Variants in UTRN observed in about 807,000 individuals in gnomAD.
UTRN encodes dystrophin-related protein 1.
A neutral mutation model predicts 463.9 loss-of-function variants in UTRN; 283 were observed. The observed-to-expected ratio is 0.61, with a 90% CI of 0.55 to 0.67. The LOEUF (loss-of-function observed/expected upper bound fraction) is 0.67, where lower values mean the gene tolerates loss of function less well. Among genes scored for constraint, UTRN ranks in the 30% least tolerant of loss-of-function variants. The pLI, the probability that UTRN is intolerant of heterozygous loss-of-function variation, is 0.00. For missense variants in UTRN, 3,922 were observed against 4,084.3 expected, an observed-to-expected ratio of 0.96 and a Z score of 1.08; for synonymous variants, 1,442 against 1,431.5, an observed-to-expected ratio of 1.01 and a Z score of -0.17.
At chr6:144,635,082 A>G (rs764005515) in intron 51 of UTRN, among the ~76,000 whole-genome samples, 1 of 149,430 alleles carries the variant, frequency 6.7e-6, no homozygotes, top group Non-Finnish European at 1.5e-5. Flanking sequence ...ATTGTCACCT[A>G]GTATGAAATG....
intron 45 of UTRN, among the ~76,000 whole-genome samples, chr6:144,541,198 A>G (rs553566063): frequency 1.3e-5 from 2 of 152,284 alleles, no homozygotes; most frequent in South Asian, 2.1e-4. Context: ...GTGAAAGCCA[A>G]AATGCTTTTT....
At chr6:144,364,387 T>A (rs1779334603) in intron 2 of UTRN, among the ~76,000 whole-genome samples, 1 of 152,150 alleles carries the variant, frequency 6.6e-6, no homozygotes. Flanking sequence ...GTGATTTGGG[T>A]CAAATGTCCT....
rs1483059794 is a variant in UTRN at position 144,344,109 on chromosome 6, A to AAC, written c.79+52203_79+52204dup. 1.5e-5 allele frequency: 17 copies of AAC among 1,149,168 alleles called. No individual in the cohort carries two copies. The African/African-American group carries it at 2.3e-4, about 16-fold the overall frequency. The allele number at this position is 1,149,168 out of a possible 1,614,324, so 71.2% of individuals were successfully genotyped here. On this transcript the variant is annotated intron_variant, in intron 2 of 74. Transcript: ENST00000367545. ...AGCCACCAAAAAAAAAAAAAAAAAA[A>AAC]ACCCAAAATAACACAGGACATCCCA...
Position 144,824,570 on chromosome 6 carries a change from ATT to A in UTRN, c.9495-2776_9495-2775del, listed in dbSNP as rs201351463. ...TGTATATATATTAATATAGCATTTT[ATT>A]TATATATATATATATATATATATAT... On this transcript the variant is annotated intron_variant, in intron 66 of 74. Coordinates refer to ENST00000367545, the MANE Select transcript of UTRN (RefSeq NM_007124.3). Among the ~76,000 whole-genome samples, 101 of 36,992 alleles carry A rather than the reference ATT, an allele frequency of 2.7e-3. 7 individuals carry two copies. The East Asian group carries it at 0.044, about 16-fold the overall frequency. 24.3% of individuals were successfully genotyped at this position (36,992 alleles called of 152,430 possible).
chr6:144,603,127 A>G (rs771275297), intron 51 of UTRN, among the ~76,000 whole-genome samples: 17 of 152,126 alleles, frequency 1.1e-4, no homozygotes, highest in Non-Finnish European at 2.1e-4. Context: ...CTTTATAAGC[A>G]TATTTGTATT....
intron 51 of UTRN, among the ~76,000 whole-genome samples, chr6:144,642,554 G>T (rs532756779): frequency 6.6e-5 from 10 of 152,094 alleles, no homozygotes; most frequent in Non-Finnish European, 1.0e-4. Flanking sequence ...AGGAAAGTTC[G>T]TCTAGAGATA....
intron 51 of UTRN, among the ~76,000 whole-genome samples, chr6:144,585,344 C>T (rs763474591): frequency 2.0e-5 from 3 of 152,070 alleles, no homozygotes; most frequent in Non-Finnish European, 4.4e-5. Context: ...TCCACGTATT[C>T]TTTCCCATAT....
chr6:144,423,910 A>C, intron 5 of UTRN, 76 bp from the exon 6 acceptor site: 1 of 1,469,260 alleles, frequency 6.8e-7, no homozygotes, highest in East Asian at 2.3e-5. Flanking sequence ...AAATGTGCTA[A>C]AATAAAAACC....
intron 51 of UTRN, among the ~76,000 whole-genome samples, chr6:144,617,431 A>G (rs1238099229): frequency 2.6e-5 from 4 of 152,216 alleles, no homozygotes; most frequent in South Asian, 2.1e-4. Context: ...TCAATTTGGT[A>G]TCCAGGTTTG....
chr6:144,826,965 TTC>T (rs1780238478), intron 66 of UTRN, among the ~76,000 whole-genome samples: 2 of 152,312 alleles, frequency 1.3e-5, no homozygotes, highest in African/African-American at 4.8e-5. Context: ...ACCAAGTTTC[TTC>T]TCTAGGAAAA....
chr6:144,561,575 A>G (rs1029070412), intron 50 of UTRN, among the ~76,000 whole-genome samples: 2 of 151,960 alleles, frequency 1.3e-5, no homozygotes, highest in African/African-American at 4.8e-5. Flanking sequence ...ATGTTAAGGT[A>G]TTTCTAGGTT....
In UTRN at chr6:144,827,382, T is replaced by C. The variant is rs950056518; in HGVS notation, c.9529T>C (p.Tyr3177His). The C allele has an allele frequency of 1.5e-5, 24 of 1,613,378 alleles. No individual in the cohort carries two copies. Among genetic ancestry groups the C allele is most frequent in the Non-Finnish European group, 1.9e-5 (23 of 1,179,636 alleles). ...ACTCATCAGTATGTGGCCAGAGCAC[T>C]ATGAGTGAGTATTCATAGCCCACGT... ...ITLISMWPEH[Y>H]DPSQSPQLFH... The change falls in exon 67 of 75, where the codon TAT (tyrosine) becomes CAT (histidine). Residue 3177 changes from tyrosine (Y) to histidine (H), a missense_variant. Around this residue, in one of 3 missense-constraint regions of UTRN, gnomAD observed 1,309 missense variants for 1,452.6 expected, o/e 0.90. Transcript: ENST00000367545.
At chr6:144,345,544 A>G (rs750029952) in intron 2 of UTRN, among the ~76,000 whole-genome samples, 11 of 152,144 alleles carry the variant, frequency 7.2e-5, no homozygotes, top group Non-Finnish European at 1.3e-4. Context: ...GCATGGTGGC[A>G]TGTGCCTGTG....
chr6:144,679,695 G>T (rs1355680272), intron 52 of UTRN, among the ~76,000 whole-genome samples: 1 of 152,120 alleles, frequency 6.6e-6, no homozygotes, highest in Non-Finnish European at 1.5e-5. Flanking sequence ...ACATAAAGGG[G>T]CTCACTGGAT....
chr6:144,775,225 G>C (rs1468894334), intron 60 of UTRN, among the ~76,000 whole-genome samples: 1 of 152,162 alleles, frequency 6.6e-6, no homozygotes, highest in Non-Finnish European at 1.5e-5. Context: ...TCTGCTCCTT[G>C]AAAGTCAATA....
At chr6:144,345,716 G>A (rs1352420561) in intron 2 of UTRN, among the ~76,000 whole-genome samples, 1 of 152,046 alleles carries the variant, frequency 6.6e-6, no homozygotes, top group African/African-American at 2.4e-5. Flanking sequence ...GTGGCCTTTC[G>A]AAGATTTCCT....
At chr6:144,408,058 C>A (rs571947263) in intron 3 of UTRN, among the ~76,000 whole-genome samples, 3 of 152,316 alleles carry the variant, frequency 2.0e-5, no homozygotes, top group East Asian at 3.9e-4. Flanking sequence ...ATCATTATTA[C>A]CTTCCTTATA....
chr6:144,429,894 C>T (rs866911493), intron 9 of UTRN, among the ~76,000 whole-genome samples, 153 bp downstream of exon 9: 6 of 152,098 alleles, frequency 3.9e-5, no homozygotes, highest in Non-Finnish European at 7.4e-5. Flanking sequence ...TAGCAGTTAG[C>T]ATTCTGTCAC....
At chr6:144,408,716 A>T (rs1315434954) in intron 3 of UTRN, among the ~76,000 whole-genome samples, 1 of 152,214 alleles carries the variant, frequency 6.6e-6, no homozygotes, top group African/African-American at 2.4e-5. Flanking sequence ...TTCCTTTAGG[A>T]GACAGTGAGA....
Sources: allele counts gnomAD v4.1 joint callset (sites outside exome capture counted in the v4.1 genomes callset), GRCh38; gene constraint gnomAD v4.1.1; regional missense constraint gnomAD v4.1.1; transcripts MANE v1.5; gene names NCBI Gene and HGNC (gene_info 2026-07-23, HGNC 2026-07-21).